The following FNBP1L variants were observed in gnomAD, a reference collection of about 807,000 sequenced individuals.
FNBP1L encodes formin binding protein 1 like.
FNBP1L carries 36 observed loss-of-function variants against 91.2 expected under a neutral mutation model. The observed-to-expected ratio is 0.39, with a 90% CI of 0.30 to 0.52. FNBP1L has a LOEUF of 0.52. Among genes scored for constraint, FNBP1L ranks in the 20% least tolerant of loss-of-function variants. The pLI is 0.66. For synonymous variants in FNBP1L, 242 were observed against 237.0 expected (o/e 1.02, Z -0.19); for missense variants, 571 against 732.1 (o/e 0.78, Z 2.54).
At chr1:93,471,212 A>G (rs1669273904) in intron 1 of FNBP1L, among the ~76,000 whole-genome samples, 1 of 152,162 alleles carries the variant, frequency 6.6e-6, no homozygotes, top group Non-Finnish European at 1.5e-5. Flanking sequence ...TCCTAATCAG[A>G]AATGTTCATT....
chr1:93,497,207 C>T (rs1670295091), intron 1 of FNBP1L, among the ~76,000 whole-genome samples: 1 of 151,848 alleles, frequency 6.6e-6, no homozygotes, highest in African/African-American at 2.4e-5. Context: ...CGTGATCCGC[C>T]CACCTCGGCC....
At chr1:93,482,190 T>G (rs1265746347) in intron 1 of FNBP1L, among the ~76,000 whole-genome samples, 2 of 151,972 alleles carry the variant, frequency 1.3e-5, no homozygotes, top group Non-Finnish European at 2.9e-5. Flanking sequence ...AAAAAATAAA[T>G]AAATCTACCA....
chr1:93,546,783 C>CTT, intron 12 of FNBP1L, 59 bp from the exon 13 acceptor site: 2 of 1,580,946 alleles, frequency 1.3e-6, no homozygotes, highest in East Asian at 4.5e-5. Flanking sequence ...CAATAAAACT[C>CTT]TTTTATCTGG....
intron 1 of FNBP1L, among the ~76,000 whole-genome samples, chr1:93,456,333 A>G (rs952197114): frequency 2.6e-5 from 4 of 152,208 alleles, no homozygotes; most frequent in South Asian, 2.1e-4. Context: ...GGGAAATACT[A>G]GTATTTGTAT....
intron 2 of FNBP1L, among the ~76,000 whole-genome samples, chr1:93,510,641 A>G (rs1312996958): frequency 2.0e-4 from 31 of 152,218 alleles, no homozygotes; most frequent in Admixed American, 2.0e-3. Context: ...AAGGCTTCAG[A>G]TGATGAAATT....
At chr1:93,524,466 C>A in intron 5 of FNBP1L, 143 bp downstream of exon 5, 1 of 542,224 alleles carries the variant, frequency 1.8e-6, no homozygotes, top group Non-Finnish European at 2.9e-6. Flanking sequence ...GTATAATAGT[C>A]AATAAAGTGT....
intron 1 of FNBP1L, among the ~76,000 whole-genome samples, chr1:93,485,902 G>A (rs931560205): frequency 1.3e-5 from 2 of 152,134 alleles, no homozygotes; most frequent in African/African-American, 4.8e-5. Context: ...GTTTCACCAT[G>A]TTGGCCAGGC....
At position 93,453,435 on chromosome 1, in the gene FNBP1L, C is replaced by T. The variant is rs192819143; in HGVS notation, c.24+5130C>T. 3.9e-5 allele frequency among the ~76,000 whole-genome samples: 6 copies of T among 152,228 alleles called. No homozygotes were observed. In the East Asian group the frequency reaches 1.2e-3, roughly 29 times the overall value. ...TTTCTTAAAATATTTGCTCTCTCTC[C>T]TTCCCCCACCCTATAAACCTATAAA... is the stretch of plus-strand genomic sequence containing the variant. On this transcript the variant is annotated intron_variant, in intron 1 of 16. Transcript: ENST00000271234.
chr1:93,551,086 T>C lies in FNBP1L; in HGVS notation c.1791T>C (p.Thr597=), dbSNP rs771512538. 2 of 1,608,886 alleles carry C rather than the reference T, an allele frequency of 1.2e-6. No individual in the cohort carries two copies. Among genetic ancestry groups the C allele is most frequent in the African/African-American group, 2.7e-5 (2 of 74,684 alleles). ...GYVPTSYIDV[T]LEKNSKGS ...TTCCCACGTCATACATAGATGTAAC[T>C]CTAGAGAAAAACAGTAAAGGTGCAG... The change falls in exon 16 of 17, where the codon ACT becomes ACC. Residue 597 remains threonine (T), a synonymous_variant. Transcript: ENST00000271234.
In FNBP1L at chr1:93,550,923, A is replaced by C. The variant is rs996489103; in HGVS notation, c.1652-24A>C. The C allele has an allele frequency of 5.3e-6, 8 of 1,513,512 alleles. No homozygotes were observed. The African/African-American group carries it at 1.1e-4, about 21-fold the overall frequency. The allele number at this position is 1,513,512 out of a possible 1,614,324, so 93.8% of individuals were successfully genotyped here. ...AAAAAATTATCACAATGCTTAAATT[A>C]TGCTTGTGAAAACTCTCATCTAGGA... is the stretch of plus-strand genomic sequence containing the variant. On this transcript the variant is annotated intron_variant, in intron 15 of 16. Transcript: ENST00000271234.
At chr1:93,476,622 T>G (rs534871673) in intron 1 of FNBP1L, among the ~76,000 whole-genome samples, 8 of 152,230 alleles carry the variant, frequency 5.3e-5, no homozygotes, top group Admixed American at 1.3e-4. Context: ...CACCACTAAG[T>G]TCAGCAAGGG....
intron 2 of FNBP1L, among the ~76,000 whole-genome samples, chr1:93,516,016 A>G (rs1393092104): frequency 6.6e-6 from 1 of 152,172 alleles, no homozygotes; most frequent in Non-Finnish European, 1.5e-5. Context: ...TTATATAAAA[A>G]TCATCAGTTA....
At chr1:93,465,039 CAG>C (rs1350169120) in intron 1 of FNBP1L, among the ~76,000 whole-genome samples, 1 of 152,056 alleles carries the variant, frequency 6.6e-6, no homozygotes, top group Non-Finnish European at 1.5e-5. Flanking sequence ...TAAAAATCAT[CAG>C]GGGAAACTTT....
intron 2 of FNBP1L, among the ~76,000 whole-genome samples, chr1:93,513,604 G>A (rs1245465828): frequency 3.3e-5 from 5 of 151,488 alleles, no homozygotes; most frequent in Non-Finnish European, 7.4e-5. Flanking sequence ...GGGATGCAAG[G>A]CTGGTTCAAT....
At chr1:93,486,188 G>A (rs1038367018) in intron 1 of FNBP1L, among the ~76,000 whole-genome samples, 1 of 152,108 alleles carries the variant, frequency 6.6e-6, no homozygotes, top group Non-Finnish European at 1.5e-5. Flanking sequence ...AGTGAACATG[G>A]AAAATGTTAG....
intron 2 of FNBP1L, among the ~76,000 whole-genome samples, chr1:93,501,191 G>A (rs994339207): frequency 2.0e-5 from 3 of 152,090 alleles, no homozygotes; most frequent in Non-Finnish European, 4.4e-5. Context: ...AGTGCTATAG[G>A]TAATACAGTG....
At chr1:93,469,042 T>C (rs1217938591) in intron 1 of FNBP1L, among the ~76,000 whole-genome samples, 1 of 152,216 alleles carries the variant, frequency 6.6e-6, no homozygotes, top group Non-Finnish European at 1.5e-5. Flanking sequence ...TTATTGTTCA[T>C]TTGTATATCT....
At chr1:93,552,307 AT>A in intron 16 of FNBP1L, 101 bp from the exon 17 acceptor site, 3 of 1,501,470 alleles carry the variant, frequency 2.0e-6, no homozygotes, top group Non-Finnish European at 2.7e-6. Flanking sequence ...TGACTATAAA[AT>A]GATAGAGACA....
chr1:93,472,545 G>A (rs180850325), intron 1 of FNBP1L, among the ~76,000 whole-genome samples: 95 of 151,920 alleles, frequency 6.3e-4, no homozygotes, highest in African/African-American at 2.1e-3. Context: ...GGGCGTGGTG[G>A]CTTATGCCTG....
Sources: gnomAD v4.1 joint callset for allele counts (sites outside exome capture counted in the v4.1 genomes callset) on GRCh38, gnomAD v4.1.1 for gene constraint, MANE v1.5 for transcripts, NCBI Gene and HGNC (gene_info 2026-07-23, HGNC 2026-07-21) for gene names.